The following C11orf52 variants were observed in gnomAD, a reference collection of about 807,000 sequenced individuals.
C11orf52 encodes the protein uncharacterized protein C11orf52.
C11orf52 carries 9 observed loss-of-function variants against 11.7 expected under a neutral mutation model. The ratio of observed to expected loss-of-function variants is 0.77; its 90% CI spans 0.46 to 1.34. The LOEUF is 1.34. Among genes scored for constraint, C11orf52 ranks in the 40% most tolerant of loss-of-function variants. C11orf52 has a pLI of 0.00. For missense variants in C11orf52, 139 were observed against 154.8 expected (o/e 0.90, Z 0.54); for synonymous variants, 49 against 57.4 (o/e 0.85, Z 0.66).
intron 1 of C11orf52, chr11:111,919,265 T>C (rs587653748): frequency 6.9e-4 from 332 of 482,566 alleles, no homozygotes; most frequent in Non-Finnish European, 1.1e-3. Context: ...ACGAGGTCAG[T>C]AGATCGAGAC....
chr11:111,925,270 T>C (rs1431519214), intron 2 of C11orf52, among the ~76,000 whole-genome samples: 11 of 152,068 alleles, frequency 7.2e-5, no homozygotes, highest in Non-Finnish European at 1.2e-4. Context: ...CCACCTTGCA[T>C]TGTAAGTGTG....
chr11:111,925,745 G>T, intron 3 of C11orf52, 31 bp downstream of exon 3: 1 of 1,612,316 alleles, frequency 6.2e-7, no homozygotes, highest in East Asian at 2.2e-5. Flanking sequence ...CCTCTCTGGG[G>T]CTGCTCGGAC....
chr11:111,919,531 G>C (rs1222786507), intron 1 of C11orf52, among the ~76,000 whole-genome samples: 1 of 152,114 alleles, frequency 6.6e-6, no homozygotes, highest in Non-Finnish European at 1.5e-5. Flanking sequence ...GGCCAGAGCA[G>C]GGCAGGAATA....
In C11orf52 at chr11:111,918,993, C is replaced by T. The variant is rs1555166298; in HGVS notation, c.21C>T (p.Cys7=). 7 of 1,614,138 alleles carry T rather than the reference C, an allele frequency of 4.3e-6. No homozygotes were observed. Among genetic ancestry groups the T allele is most frequent in the Non-Finnish European group, 5.9e-6 (7 of 1,180,020 alleles). MGNRVC[C]GGSWSCPSTF... ...GCGCCATGGGAAACCGGGTCTGCTG[C>T]GGAGGAAGCTGGTGAGTAGGCTGGA... is the stretch of plus-strand genomic sequence containing the variant. The change falls in exon 1 of 4, where the codon TGC becomes TGT. Residue 7 remains cysteine, a synonymous_variant. Transcript: ENST00000278601.
At chr11:111,925,530 A>G (rs1555166859) in intron 2 of C11orf52, 123 bp from the exon 3 acceptor site, 1 of 949,426 alleles carries the variant, frequency 1.1e-6, no homozygotes, top group East Asian at 2.6e-5. Flanking sequence ...GAAAGAAGTG[A>G]GAATGGAGGC....
intron 2 of C11orf52, 31 bp from the exon 3 acceptor site, chr11:111,925,622 A>G: frequency 6.2e-7 from 1 of 1,609,488 alleles, no homozygotes; most frequent in Non-Finnish European, 8.5e-7. Context: ...GGGAAGAGAG[A>G]ATAAACTTAA....
At chr11:111,923,864 T>A (rs587676707) in intron 1 of C11orf52, 1 of 152,558 alleles carries the variant, frequency 6.6e-6, no homozygotes, top group East Asian at 1.9e-4. Flanking sequence ...TTAGCCCTGG[T>A]TGTGGCAACT....
intron 1 of C11orf52, among the ~76,000 whole-genome samples, chr11:111,922,733 G>T (rs1436915511): frequency 6.6e-6 from 1 of 151,882 alleles, no homozygotes; most frequent in Non-Finnish European, 1.5e-5. Flanking sequence ...CCTATTTTTT[G>T]CAATTTAAAT....
chr11:111,925,199 GA>G (rs782115143), intron 2 of C11orf52, among the ~76,000 whole-genome samples: 173 of 139,658 alleles, frequency 1.2e-3, no homozygotes, highest in East Asian at 1.2e-3. Flanking sequence ...ATCAGCTCAT[GA>G]AAAAAAAAAA....
At chr11:111,921,510 T>A (rs1965698630) in intron 1 of C11orf52, among the ~76,000 whole-genome samples, 1 of 152,136 alleles carries the variant, frequency 6.6e-6, no homozygotes, top group Non-Finnish European at 1.5e-5. Flanking sequence ...GTCTGTAAAA[T>A]GGGAACAAAA....
At chr11:111,920,715 G>GATC (rs1216841203) in intron 1 of C11orf52, among the ~76,000 whole-genome samples, 4 of 152,128 alleles carry the variant, frequency 2.6e-5, no homozygotes, top group African/African-American at 9.7e-5. Context: ...AGTGAACCAT[G>GATC]ATCACACCAC....
rs1430975453 is a variant in C11orf52 at position 111,925,665 on chromosome 11, G to C, written c.83G>C (p.Arg28Thr). The C allele has an allele frequency of 6.2e-7, 1 of 1,614,084 alleles. No homozygotes were observed. Among genetic ancestry groups the C allele is most frequent in the Non-Finnish European group, 8.5e-7 (1 of 1,180,034 alleles). ...TTCTTCCCCTCAGGAAGCCAAACAAGACGGACACTGAAGCCGCAGCCACAA... is the reference window on the plus strand; with the variant it reads ...TTCTTCCCCTCAGGAAGCCAAACAACACGGACACTGAAGCCGCAGCCACAA... The part of the protein sequence containing the change: ...QKKKKTGSQT[R>T]RTLKPQPQQL... The change falls in exon 3 of 4, where the codon AGA becomes ACA. Residue 28 changes from arginine to threonine, a missense_variant. Physicochemically the swap from Arg to Thr is moderately conservative, Grantham distance 71. Transcript: ENST00000278601.
At chr11:111,924,755 C>G (rs1965759212) in intron 2 of C11orf52, among the ~76,000 whole-genome samples, 1 of 152,196 alleles carries the variant, frequency 6.6e-6, no homozygotes. Context: ...AATATCATCA[C>G]TGGTGCTGTA....
In C11orf52 at chr11:111,924,355, A is replaced by G; in HGVS notation, c.62A>G (p.Lys21Arg). The G allele has an allele frequency of 6.2e-7, 1 of 1,613,606 alleles. No individual in the cohort carries two copies. Residue 21 changes from lysine to arginine, a missense_variant, in exon 2 of 4, where the codon AAG (lysine) becomes AGG (arginine). Transcript: ENST00000278601. The stretch of plus-strand genomic sequence containing the variant: ...TGCCCATCAACTTTCCAGAAGAAAA[A>G]GAAAACAGGTAACTTTGGGGCTGGG... ...WSCPSTFQKK[K>R]KTGSQTRRTL...
chr11:111,919,306 C>G (rs901514949), intron 1 of C11orf52: 3 of 322,390 alleles, frequency 9.3e-6, no homozygotes, highest in Non-Finnish European at 1.8e-5. Context: ...AACCCCGTCT[C>G]TACTGAAAAT....
chr11:111,920,482 G>A (rs1358011098), intron 1 of C11orf52, among the ~76,000 whole-genome samples: 1 of 152,088 alleles, frequency 6.6e-6, no homozygotes, highest in Non-Finnish European at 1.5e-5. Flanking sequence ...AGGTTGCAGT[G>A]AGCTGAGATT....
rs1166114265 is a variant in C11orf52 at position 111,926,257 on chromosome 11, A to G, written c.*58A>G. 6.3e-6 allele frequency: 10 copies of G among 1,596,260 alleles called. No individual in the cohort carries two copies. The highest frequency in any genetic ancestry group is 8.6e-6 in the Non-Finnish European group (10 of 1,168,522). The stretch of plus-strand genomic sequence containing the variant: ...CCACTACACCTGTGGGGGAGAACCT[A>G]CTGCTTTGGGGAATTGGGTGGCAAC... On this transcript the variant is annotated 3_prime_UTR_variant, in exon 4 of 4. Coordinates refer to ENST00000278601, the MANE Select transcript of C11orf52 (RefSeq NM_080659.3).
Position 111,926,021 on chromosome 11 carries a change from G to C in C11orf52, c.194G>C (p.Arg65Thr). Residue 65 changes from arginine (R) to threonine (T), a missense_variant, in exon 4 of 4, where the codon AGG becomes ACG. Transcript: ENST00000278601. ...RVLQQQGSQE[R>T]SPGLMSEDSN... ...TTACAGCAGCAAGGGTCTCAAGAGA[G>C]GAGTCCAGGCCTCATGTCGGAAGAC... 1 of 1,614,246 alleles carries C rather than the reference G, an allele frequency of 6.2e-7. No homozygotes were observed. The highest frequency in any genetic ancestry group is 8.5e-7 in the Non-Finnish European group (1 of 1,180,044).
At chr11:111,924,584 T>G (rs1189271878) in intron 2 of C11orf52, among the ~76,000 whole-genome samples, 4 of 152,208 alleles carry the variant, frequency 2.6e-5, no homozygotes, top group Non-Finnish European at 4.4e-5. Context: ...GTTCATTCTT[T>G]CATTCATCTA....
Sources: gnomAD v4.1 joint callset for allele counts (sites outside exome capture counted in the v4.1 genomes callset) on GRCh38, gnomAD v4.1.1 for gene constraint, MANE v1.5 for transcripts, NCBI Gene and HGNC (gene_info 2026-07-23, HGNC 2026-07-21) for gene names.